The following KDM4C variants were observed in gnomAD, a reference collection of about 807,000 sequenced individuals.
KDM4C encodes the protein lysine demethylase 4C.
Under a neutral mutation model 129.3 loss-of-function variants are expected in KDM4C, and 81 were observed. The ratio of observed to expected loss-of-function variants is 0.63; its 90% confidence interval spans 0.52 to 0.75. The LOEUF is 0.75. KDM4C is among the 30% of genes least tolerant of loss of function. The pLI is 0.00. For missense variants in KDM4C, 1,457 were observed against 1,304.0 expected (o/e 1.12, Z -1.81); for synonymous variants, 573 against 456.1 (o/e 1.26, Z -3.26).
At chr9:6,952,639 C>A (rs935016226) in intron 8 of KDM4C, among the ~76,000 whole-genome samples, 5 of 151,968 alleles carry the variant, frequency 3.3e-5, no homozygotes, top group African/African-American at 1.2e-4. Context: ...CGGGGTTTCA[C>A]TATGTTGGCC....
At chr9:7,055,132 G>C (rs6477141) in intron 17 of KDM4C, among the ~76,000 whole-genome samples, 100,661 of 151,886 alleles carry the variant, frequency 0.66, 33,525 homozygotes, top group South Asian at 0.73. Flanking sequence ...GAACCGAGAT[G>C]GCGCCACTGC....
intron 18 of KDM4C, chr9:7,104,240 G>A (rs59619653): frequency 5.1e-6 from 1 of 195,508 alleles, no homozygotes; most frequent in Non-Finnish European, 1.1e-5. Flanking sequence ...TCTGCGAGGG[G>A]ATCACCACCT....
intron 1 of KDM4C, among the ~76,000 whole-genome samples, chr9:6,740,046 C>G (rs1203568069): frequency 6.6e-6 from 1 of 151,890 alleles, no homozygotes; most frequent in Non-Finnish European, 1.5e-5. Flanking sequence ...CGCGCCACCA[C>G]ACTCAGCTAA....
At chr9:7,150,604 A>C (rs188457674) in intron 19 of KDM4C, among the ~76,000 whole-genome samples, 1 of 152,186 alleles carries the variant, frequency 6.6e-6, no homozygotes, top group East Asian at 1.9e-4. Context: ...AGGGAAGGAG[A>C]AGGCAGGAAT....
chr9:7,167,744 GA>G (rs760465922), intron 20 of KDM4C, among the ~76,000 whole-genome samples: 12 of 152,222 alleles, frequency 7.9e-5, no homozygotes, highest in Non-Finnish European at 4.4e-5. Flanking sequence ...ACTTGTGCCT[GA>G]GAGACATACC....
At chr9:6,759,725 G>A (rs1309221739) in intron 1 of KDM4C, among the ~76,000 whole-genome samples, 5 of 151,988 alleles carry the variant, frequency 3.3e-5, no homozygotes, top group Non-Finnish European at 7.4e-5. Flanking sequence ...GGCCGAGGCG[G>A]GTGTATCACC....
At chr9:6,935,618 T>C (rs554194006) in intron 8 of KDM4C, among the ~76,000 whole-genome samples, 1 of 151,834 alleles carries the variant, frequency 6.6e-6, no homozygotes, top group East Asian at 1.9e-4. Flanking sequence ...ATTGTGCCTA[T>C]ATTTCTCCTT....
At chr9:6,980,225 T>C (rs1388391126) in intron 8 of KDM4C, among the ~76,000 whole-genome samples, 3 of 152,198 alleles carry the variant, frequency 2.0e-5, no homozygotes, top group African/African-American at 4.8e-5. Context: ...GAAGTCTTTA[T>C]AGAAAACTTG....
Position 6,913,774 on chromosome 9 carries a change from A to G in KDM4C, c.921+20542A>G, listed in dbSNP as rs563741111. On this transcript the variant is annotated intron_variant, in intron 8 of 21. Transcript: ENST00000381309. The stretch of plus-strand genomic sequence containing the variant: ...CACAAAATTCCCAGATGACAATTCA[A>G]ACAGTTACTATAAAAAGTAATAAGG... Among the ~76,000 whole-genome samples, 8 of 152,382 alleles carry G rather than the reference A, an allele frequency of 5.2e-5. No homozygotes were observed. The East Asian group carries it at 9.6e-4, about 18-fold the overall frequency.
intron 8 of KDM4C, among the ~76,000 whole-genome samples, chr9:6,971,052 A>G (rs1387860937): frequency 2.0e-5 from 3 of 152,170 alleles, no homozygotes; most frequent in African/African-American, 7.2e-5. Flanking sequence ...CTTTTTTTTA[A>G]AAAGAAAAGA....
chr9:6,865,874 C>T (rs1157067283), intron 5 of KDM4C, among the ~76,000 whole-genome samples: 2 of 152,126 alleles, frequency 1.3e-5, no homozygotes, highest in East Asian at 3.9e-4. Context: ...CCTCAGCCTC[C>T]CGAGTAGCTG....
intron 17 of KDM4C, among the ~76,000 whole-genome samples, chr9:7,072,766 C>T (rs191456654): frequency 5.3e-5 from 8 of 152,206 alleles, no homozygotes; most frequent in African/African-American, 1.7e-4. Flanking sequence ...ATGTTATTTA[C>T]GTTGCACTTT....
At chr9:6,763,366 A>G (rs1018599154) in intron 1 of KDM4C, among the ~76,000 whole-genome samples, 1 of 152,160 alleles carries the variant, frequency 6.6e-6, no homozygotes, top group Non-Finnish European at 1.5e-5. Flanking sequence ...TTCTTCAGGA[A>G]GCTCAGCTCA....
chr9:6,856,745 G>GTT (rs1238307203), intron 5 of KDM4C, among the ~76,000 whole-genome samples: 3 of 120,992 alleles, frequency 2.5e-5, no homozygotes, highest in African/African-American at 9.2e-5. Flanking sequence ...GCTAATTTTT[G>GTT]TATTTTTTTT....
intron 15 of KDM4C, among the ~76,000 whole-genome samples, chr9:7,039,540 A>C (rs1364532785): frequency 6.6e-6 from 1 of 152,208 alleles, no homozygotes; most frequent in South Asian, 2.1e-4. Context: ...CAGTTCAGCT[A>C]AAAATCTGCA....
At chr9:6,826,491 A>G (rs769856520) in intron 4 of KDM4C, among the ~76,000 whole-genome samples, 24 of 152,024 alleles carry the variant, frequency 1.6e-4, no homozygotes, top group Admixed American at 3.9e-4. Flanking sequence ...TACAATGAAC[A>G]TAGTTTTATC....
In KDM4C at chr9:7,025,651, C is replaced by G. The variant is rs190491945; in HGVS notation, c.2259+9722C>G. The stretch of plus-strand genomic sequence containing the variant: ...GAGGCAAAAAGAAAACCAATAAAAG[C>G]TCTACACTTTAGCCTCTTGCTTTTT... On this transcript the variant is annotated intron_variant, in intron 15 of 21. Transcript: ENST00000381309. Among the ~76,000 whole-genome samples, 3 of 152,000 alleles carry G rather than the reference C, an allele frequency of 2.0e-5. No individual in the cohort carries two copies. The East Asian group carries it at 5.8e-4, about 29-fold the overall frequency.
intron 18 of KDM4C, among the ~76,000 whole-genome samples, chr9:7,127,367 CA>C (rs990695655): frequency 2.0e-5 from 3 of 152,084 alleles, no homozygotes; most frequent in Non-Finnish European, 4.4e-5. Context: ...GAGGGGTAAG[CA>C]AACATCATGT....
rs372587887 is a variant in KDM4C, at chr9:7,147,723, G to A, written c.2782-17515G>A. On this transcript the variant is annotated intron_variant, in intron 19 of 21. Coordinates refer to ENST00000381309, the MANE Select transcript of KDM4C (RefSeq NM_015061.6). Reference sequence around the variant, plus strand: ...CTTACCCAGGTAGGAAGAGCTACATGTGTGGCAGGCAGACCCAGGGTGCTC... The same window carrying A: ...CTTACCCAGGTAGGAAGAGCTACATATGTGGCAGGCAGACCCAGGGTGCTC... Among the ~76,000 whole-genome samples, 19 of 152,376 alleles carry A rather than the reference G, an allele frequency of 1.2e-4. No homozygotes were observed. The East Asian group carries it at 2.5e-3, about 20-fold the overall frequency.
Sources: allele counts gnomAD v4.1 joint callset (sites outside exome capture counted in the v4.1 genomes callset), GRCh38; gene constraint gnomAD v4.1.1; transcripts MANE v1.5; gene names NCBI Gene and HGNC (gene_info 2026-07-23, HGNC 2026-07-21).